Variants in CHODL observed in about 807,000 individuals in gnomAD.
CHODL encodes the protein chondrolectin, also known as transmembrane protein MT75.
In CHODL, 29 loss-of-function variants were observed where a neutral mutation model predicts 34.5. The ratio of observed to expected loss-of-function variants is 0.84; its 90% CI spans 0.63 to 1.15. The LOEUF is 1.15. CHODL is among the 50% of genes most tolerant of loss of function. CHODL has a pLI of 0.00. For missense variants in CHODL, 332 were observed against 332.5 expected (o/e 1.00, Z 0.01); for synonymous variants, 125 against 116.1 (o/e 1.08, Z -0.49).
At chr21:18,240,131 AT>A (rs1037511241), upstream of CHODL, among the ~76,000 whole-genome samples, 4 of 152,060 alleles carry the variant, frequency 2.6e-5, no homozygotes, top group African/African-American at 9.7e-5. Context: ...AGCAATTGTT[AT>A]TTTGGTAAAT....
intron 1 of CHODL, among the ~76,000 whole-genome samples, chr21:18,003,665 C>CT (rs1482589693): frequency 8.6e-5 from 13 of 151,990 alleles, no homozygotes; most frequent in East Asian, 3.9e-4. Flanking sequence ...TATTTGTGTC[C>CT]TTTTTTTTCC....
upstream of CHODL, among the ~76,000 whole-genome samples, chr21:18,240,670 A>G (rs1395459947): frequency 6.6e-6 from 1 of 152,186 alleles, no homozygotes; most frequent in Non-Finnish European, 1.5e-5. Context: ...AATAAAAAGT[A>G]TTGGTTTATA....
intron 2 of CHODL, among the ~76,000 whole-genome samples, chr21:18,083,862 T>C (rs1266965050): frequency 1.3e-5 from 2 of 152,224 alleles, no homozygotes; most frequent in Non-Finnish European, 2.9e-5. Context: ...TTGCCTTGCC[T>C]CAGGTTAGAC....
chr21:18,261,452 G>A (rs1213820140), intron 4 of CHODL, among the ~76,000 whole-genome samples: 2 of 151,002 alleles, frequency 1.3e-5, no homozygotes, highest in Non-Finnish European at 2.9e-5. Context: ...GGTCACCTGA[G>A]GTCAGGAGTT....
At chr21:17,933,089 G>T (rs578229934) in intron 1 of CHODL, among the ~76,000 whole-genome samples, 19 of 152,324 alleles carry the variant, frequency 1.2e-4, no homozygotes, top group African/African-American at 4.3e-4. Context: ...CTGCCCGCCT[G>T]TCCCACCTCC....
intron 2 of CHODL, among the ~76,000 whole-genome samples, chr21:18,139,362 T>C (rs1213066804): frequency 1.6e-4 from 24 of 152,052 alleles, no homozygotes; most frequent in Admixed American, 1.6e-3. Flanking sequence ...GAAAAAGTGA[T>C]AAAAATAAGT....
At chr21:18,101,968 AT>A (rs2065220592) in intron 2 of CHODL, among the ~76,000 whole-genome samples, 1 of 152,132 alleles carries the variant, frequency 6.6e-6, no homozygotes, top group Non-Finnish European at 1.5e-5. Flanking sequence ...TAAGGAGAAA[AT>A]TTTCAATTAA....
chr21:18,114,200 A>T (rs1250964685), intron 2 of CHODL, among the ~76,000 whole-genome samples: 1 of 152,196 alleles, frequency 6.6e-6, no homozygotes, highest in Non-Finnish European at 1.5e-5. Flanking sequence ...AAATAAAGAA[A>T]GAATGAATAA....
At chr21:17,979,502 A>T (rs158002) in intron 1 of CHODL, among the ~76,000 whole-genome samples, 34,284 of 151,868 alleles carry the variant, frequency 0.23, 5,133 homozygotes, top group African/African-American at 0.42. Flanking sequence ...GTTTTGAAAA[A>T]TTTTTTGCTT....
intron 2 of CHODL, among the ~76,000 whole-genome samples, chr21:18,150,415 T>C (rs2072949221): frequency 6.6e-6 from 1 of 152,112 alleles, no homozygotes; most frequent in South Asian, 2.1e-4. Flanking sequence ...AGAAAGTCCA[T>C]TCAGATAGTT....
intron 1 of CHODL, among the ~76,000 whole-genome samples, chr21:17,961,779 A>G (rs2146352331): frequency 6.6e-6 from 1 of 152,362 alleles, no homozygotes; most frequent in African/African-American, 2.4e-5. Context: ...TATACGGTAA[A>G]AAAGTGGCTC....
intron 2 of CHODL, among the ~76,000 whole-genome samples, chr21:18,109,149 T>C (rs913187157): frequency 6.6e-6 from 1 of 152,162 alleles, no homozygotes; most frequent in Non-Finnish European, 1.5e-5. Flanking sequence ...ATGTGAATCT[T>C]GTGCAGTTGT....
chr21:18,226,468 T>C (rs1256229855), intron 2 of CHODL, among the ~76,000 whole-genome samples: 1 of 152,028 alleles, frequency 6.6e-6, no homozygotes, highest in Non-Finnish European at 1.5e-5. Flanking sequence ...GCCCAGCCAA[T>C]TTTTCTGTTC....
At chr21:17,934,130 A>G (rs1387496442) in intron 1 of CHODL, among the ~76,000 whole-genome samples, 4 of 152,114 alleles carry the variant, frequency 2.6e-5, no homozygotes, top group Admixed American at 6.5e-5. Context: ...ATTGGATACA[A>G]TGTTCACTGA....
intron 2 of CHODL, among the ~76,000 whole-genome samples, chr21:18,171,607 T>C (rs1042970102): frequency 6.6e-6 from 1 of 152,172 alleles, no homozygotes. Context: ...ACTGATTCAT[T>C]CTTTTTCCTG....
chr21:18,083,556 G>A (rs2064967456), intron 2 of CHODL, among the ~76,000 whole-genome samples: 1 of 152,334 alleles, frequency 6.6e-6, no homozygotes, highest in African/African-American at 2.4e-5. Flanking sequence ...AAGCAGCCAG[G>A]AGGGGGGCTG....
intron 2 of CHODL, among the ~76,000 whole-genome samples, chr21:18,103,675 T>A (rs1220989994): frequency 2.0e-5 from 3 of 152,122 alleles, no homozygotes; most frequent in African/African-American, 7.2e-5. Flanking sequence ...GCTGGAAGGC[T>A]GGGCTCAGCT....
At chr21:18,030,329 T>A (rs1482501387) in intron 2 of CHODL, among the ~76,000 whole-genome samples, 1 of 152,186 alleles carries the variant, frequency 6.6e-6, no homozygotes, top group Non-Finnish European at 1.5e-5. Context: ...ACGAGCAGCA[T>A]GGACCTGAGG....
At chr21:18,140,279 G>C (rs905689710) in intron 2 of CHODL, among the ~76,000 whole-genome samples, 3 of 152,040 alleles carry the variant, frequency 2.0e-5, no homozygotes, top group Non-Finnish European at 4.4e-5. Context: ...TTACAAAATG[G>C]GAGGCAAACT....
Sources: gnomAD v4.1 joint callset for allele counts (sites outside exome capture counted in the v4.1 genomes callset) on GRCh38, gnomAD v4.1.1 for gene constraint, MANE v1.5 for transcripts, NCBI Gene and HGNC (gene_info 2026-07-23, HGNC 2026-07-21) for gene names.